JPH2: variants seen among roughly 807,000 people sequenced by gnomAD.
The protein encoded by JPH2 is junctophilin-2.
In JPH2, 38 loss-of-function variants were observed where a neutral mutation model predicts 55.9. The observed-to-expected ratio is 0.68, with a 90% confidence interval of 0.52 to 0.89. JPH2 has a LOEUF of 0.89. Ranked by LOEUF, JPH2 falls within the 40% of genes least tolerant of loss-of-function variation. The probability of loss-of-function intolerance (pLI) is 0.00; values close to 1 mark genes in which losing one functional copy is unlikely to be tolerated. For synonymous variants in JPH2, 480 were observed against 472.4 expected (o/e 1.02, Z -0.21); for missense variants, 964 against 1,037.6 (o/e 0.93, Z 0.97).
chr20:44,116,199 C>A lies in JPH2; in HGVS notation c.1476G>T (p.Pro492=), dbSNP rs892497789. The part of the protein sequence containing the change: ...GGSPSPAGTP[P]QPKRPRPGVS... ...CCCCGGGCCTGGGCCGCTTGGGCTG[C>A]GGGGGCGTCCCGGCCGGTGACGGGG... is the stretch of plus-strand genomic sequence containing the variant. The change falls in exon 4 of 6, where the codon CCG becomes CCT. Residue 492 remains proline, a synonymous_variant. Coordinates refer to ENST00000372980, the MANE Select transcript of JPH2 (RefSeq NM_020433.5). The A allele has an allele frequency of 2.4e-5, 34 of 1,390,076 alleles. No homozygotes were observed. Among genetic ancestry groups the A allele is most frequent in the African/African-American group, 3.1e-5 (2 of 65,290 alleles). The allele number at this position is 1,390,076 out of a possible 1,614,324, so 86.1% of individuals were successfully genotyped here. A position where few individuals can be genotyped will look rare whatever the true frequency, so the allele number is the denominator to read the frequency against.
Position 44,111,139 on chromosome 20 carries a change from C to A in JPH2, c.*2379G>T, listed in dbSNP as rs2145834351. Among the ~76,000 whole-genome samples, 2 of 152,342 alleles carry A rather than the reference C, an allele frequency of 1.3e-5. No homozygotes were observed. Among genetic ancestry groups the A allele is most frequent in the East Asian group, 3.9e-4 (2 of 5,178 alleles). On this transcript the variant is annotated 3_prime_UTR_variant, in exon 6 of 6. Transcript: ENST00000372980. Reference sequence around the variant, plus strand: ...TGTGGAATGTGGCGATCCCCTCAGGCTCCCCCACTGATTGAGATATTCTGA... The same window carrying A: ...TGTGGAATGTGGCGATCCCCTCAGGATCCCCCACTGATTGAGATATTCTGA...
intron 5 of JPH2, 135 bp downstream of exon 5, chr20:44,114,647 G>A (rs2072173350): frequency 3.0e-6 from 2 of 665,890 alleles, no homozygotes; most frequent in Non-Finnish European, 5.5e-6. Flanking sequence ...CTTGGCTTCT[G>A]CAGGTGGGTG....
At chr20:44,137,731 C>T (rs1034947943) in intron 2 of JPH2, among the ~76,000 whole-genome samples, 98 of 152,222 alleles carry the variant, frequency 6.4e-4, no homozygotes, top group African/African-American at 2.3e-3. Context: ...GAGGTTCCAA[C>T]CCCGTTGCCT....
chr20:44,114,654 G>T, intron 5 of JPH2, 128 bp downstream of exon 5: 1 of 647,158 alleles, frequency 1.5e-6, no homozygotes, highest in East Asian at 3.1e-5. Context: ...TCTGCAGGTG[G>T]GTGGGCCTCA....
chr20:44,121,902 C>CG (rs987067022), intron 2 of JPH2, among the ~76,000 whole-genome samples: 53 of 151,990 alleles, frequency 3.5e-4, no homozygotes, highest in East Asian at 9.7e-4. Context: ...CTGAGGTCAG[C>CG]GGGGGGATTG....
At chr20:44,147,294 C>A (rs2072499999) in intron 2 of JPH2, among the ~76,000 whole-genome samples, 1 of 152,140 alleles carries the variant, frequency 6.6e-6, no homozygotes, top group African/African-American at 2.4e-5. Context: ...GGATATTGGT[C>A]CAAGGCTGTT....
rs566799713 is a variant in JPH2, at chr20:44,118,476, C to T, written c.1288+29G>A. ...GCGCCCACCCTAGGGATAGCCCTAC[C>T]CTGCCCATCCTTCCCTGGCTGGCCC... On this transcript the variant is annotated intron_variant, in intron 3 of 5. Transcript: ENST00000372980. 3.6e-5 allele frequency: 55 copies of T among 1,544,808 alleles called. No individual in the cohort carries two copies. The African/African-American group carries it at 6.4e-4, about 18-fold the overall frequency.
At position 44,181,507 on chromosome 20, in the gene JPH2, C is replaced by T. The variant is rs979906320; in HGVS notation, c.379+4820G>A. ...AGGTCGTGACCCACTGAATTGACTT[C>T]ACCATCCACTAATGCGTTGTCCTCT... On this transcript the variant is annotated intron_variant, in intron 1 of 5. Coordinates refer to ENST00000372980, the MANE Select transcript of JPH2 (RefSeq NM_020433.5). Among the ~76,000 whole-genome samples the T allele has an allele frequency of 1.1e-4, 17 of 152,222 alleles. No homozygotes were observed. The highest frequency in any genetic ancestry group is 2.4e-4 in the Non-Finnish European group (16 of 68,046).
chr20:44,126,428 G>T (rs1324079252), intron 2 of JPH2, among the ~76,000 whole-genome samples: 2 of 152,108 alleles, frequency 1.3e-5, no homozygotes, highest in Non-Finnish European at 2.9e-5. Flanking sequence ...CAGGGAAAAT[G>T]CTGCCCAGCG....
chr20:44,187,169 A>G lies in JPH2; in HGVS notation c.-464T>C. ...GCCCGCTGGCCCCCTTCTCCACCCC[A>G]GTGGGTGTGCGGGGCTGTCGGTCTC... On this transcript the variant is annotated 5_prime_UTR_variant, in exon 1 of 6. Coordinates refer to ENST00000372980, the MANE Select transcript of JPH2 (RefSeq NM_020433.5). 5.3e-6 allele frequency: 1 copy of G among 187,484 alleles called. No homozygotes were observed. Among genetic ancestry groups the G allele is most frequent in the South Asian group, 1.1e-4 (1 of 9,138 alleles). The allele number at this position is 187,484 out of a possible 1,614,324, so 11.6% of individuals were successfully genotyped here. A position where few individuals can be genotyped will look rare whatever the true frequency, so the allele number is the denominator to read the frequency against.
At chr20:44,164,243 C>T (rs191077080) in intron 1 of JPH2, among the ~76,000 whole-genome samples, 1 of 152,252 alleles carries the variant, frequency 6.6e-6, no homozygotes, top group African/African-American at 2.4e-5. Context: ...ACCAACAGGT[C>T]GCATTTCCCA....
In JPH2 at chr20:44,159,672, C is replaced by A; in HGVS notation, c.1115G>T (p.Gly372Val). ...VRQKVEHSVE[G>V]AQRAAAIARQ... ...CGCGATAGCAGCGGCGCGCTGGGCA[C>A]CCTCCACACTGTGCTCCACTTTCTG... The change falls in exon 2 of 6, where the codon GGT (glycine) becomes GTT (valine). Residue 372 changes from glycine (G) to valine (V), a missense_variant. By Grantham distance (109) the Gly-to-Val change is moderately radical. Transcript: ENST00000372980. The surrounding 1 kb of genome is among the most constrained non-coding windows in gnomAD (Gnocchi z 5.7). 1.2e-6 allele frequency: 2 copies of A among 1,611,788 alleles called. No individual in the cohort carries two copies. The highest frequency in any genetic ancestry group is 8.5e-7 in the Non-Finnish European group (1 of 1,179,958).
chr20:44,134,477 T>C, intron 2 of JPH2, among the ~76,000 whole-genome samples: 7 of 15,596 alleles, frequency 4.5e-4, no homozygotes, highest in African/African-American at 1.0e-3. Flanking sequence ...TATAAATATA[T>C]ATTTATAATA....
chr20:44,182,459 C>A (rs2072792749), intron 1 of JPH2, among the ~76,000 whole-genome samples: 2 of 152,192 alleles, frequency 1.3e-5, no homozygotes, highest in South Asian at 4.1e-4. Context: ...GGTCACCTGG[C>A]CTGAAGAGCT....
rs1244446354 is a variant in JPH2 at position 44,186,886 on chromosome 20, G to A, written c.-181C>T. On this transcript the variant is annotated 5_prime_UTR_variant, in exon 1 of 6. Coordinates refer to ENST00000372980, the MANE Select transcript of JPH2 (RefSeq NM_020433.5). ...AGAGCCCCGGCGCCAAGTCAGCACC[G>A]GGTCGGCTAGTCAGTGCCATGCCCG... 1 of 640,518 alleles carries A rather than the reference G, an allele frequency of 1.6e-6. No individual in the cohort carries two copies. Among genetic ancestry groups the A allele is most frequent in the Non-Finnish European group, 2.7e-6 (1 of 371,534 alleles). 39.7% of individuals were successfully genotyped at this position (640,518 alleles called of 1,614,324 possible). A position where few individuals can be genotyped will look rare whatever the true frequency, so the allele number is the denominator to read the frequency against.
In JPH2 at chr20:44,159,106, G is replaced by A. The variant is rs2072585406; in HGVS notation, c.1169+512C>T. 6.6e-6 allele frequency among the ~76,000 whole-genome samples: 1 copy of A among 152,146 alleles called. No homozygotes were observed. The highest frequency in any genetic ancestry group is 2.4e-5 in the African/African-American group (1 of 41,406). On this transcript the variant is annotated intron_variant, in intron 2 of 5. Transcript: ENST00000372980. This position sits in a 1 kb window ranked among gnomAD's most constrained non-coding sequence, Gnocchi z 5.7. ...AAGTAAATCTTTGAGTGAATGGGTG[G>A]TTGTTCAGGTAGATGTTAGGCTGTT...
Position 44,160,270 on chromosome 20 carries a change from C to CGTTGCT in JPH2, c.511_516dup (p.Ser171_Asn172dup), listed in dbSNP as rs864309612. ...GCGGGAGAGTCCGGGGCCACCGTGC[C>CGTTGCT]GTTGCTGTGCTCGCTGCGCAGGGAC... On this transcript the variant is annotated inframe_insertion, in exon 2 of 6. Transcript: ENST00000372980. This position sits in a 1 kb window ranked among gnomAD's most constrained non-coding sequence, Gnocchi z 4.9. The CGTTGCT allele has an allele frequency of 6.5e-6, 10 of 1,533,596 alleles. No homozygotes were observed. The Middle Eastern group carries it at 1.6e-3, about 238-fold the overall frequency. The allele number at this position is 1,533,596 out of a possible 1,614,324, so 95.0% of individuals were successfully genotyped here.
rs1221684303 is a variant in JPH2, at chr20:44,113,015, TG to T, written c.*502del. The T allele has an allele frequency of 3.3e-5, 5 of 152,158 alleles. No individual in the cohort carries two copies. In the South Asian group the frequency reaches 8.3e-4, roughly 25 times the overall value. The allele number at this position is 152,158 out of a possible 1,614,324, so 9.4% of individuals were successfully genotyped here. A position where few individuals can be genotyped will look rare whatever the true frequency, so the allele number is the denominator to read the frequency against. On this transcript the variant is annotated 3_prime_UTR_variant, in exon 6 of 6. Coordinates refer to ENST00000372980, the MANE Select transcript of JPH2 (RefSeq NM_020433.5). ...ACTGCACAAGGACAGGTCTCTGTGC[TG>T]GTCTGAGGGGGTCTCAACACCCACC... is the stretch of plus-strand genomic sequence containing the variant.
Position 44,118,587 on chromosome 20 carries a change from T to C in JPH2, c.1206A>G (p.Glu402=). 1 of 1,612,346 alleles carries C rather than the reference T, an allele frequency of 6.2e-7. No homozygotes were observed. Among genetic ancestry groups the C allele is most frequent in the Non-Finnish European group, 8.5e-7 (1 of 1,180,020 alleles). Residue 402 remains glutamate, a synonymous_variant, in exon 3 of 6, where the codon GAA becomes GAG. Coordinates refer to ENST00000372980, the MANE Select transcript of JPH2 (RefSeq NM_020433.5). The part of the protein sequence containing the change: ...SHAKAKAEAA[E]QAALAANQES... ...CCTGGTTGGCAGCCAGGGCGGCCTG[T>C]TCCGCTGCCTCAGCTTTGGCCTTGG...
Sources: gnomAD v4.1 joint callset for allele counts (sites outside exome capture counted in the v4.1 genomes callset) on GRCh38, gnomAD v4.1.1 for gene constraint, Gnocchi (gnomAD v3.1) non-coding constraint, MANE v1.5 for transcripts, NCBI Gene and HGNC (gene_info 2026-07-23, HGNC 2026-07-21) for gene names.